Variants in PDE1A observed in about 807,000 individuals in gnomAD.
PDE1A encodes the protein dual specificity calcium/calmodulin-dependent 3',5'-cyclic nucleotide phosphodiesterase 1A.
A neutral mutation model predicts 61.7 loss-of-function variants in PDE1A; 35 were observed. The ratio of observed to expected loss-of-function variants is 0.57; its 90% CI spans 0.43 to 0.75. PDE1A has a LOEUF of 0.75. PDE1A is among the 30% of genes least tolerant of loss of function. The pLI, the probability that PDE1A is intolerant of heterozygous loss-of-function variation, is 0.00. For synonymous variants in PDE1A, 232 were observed against 213.2 expected (o/e 1.09, Z -0.77); for missense variants, 597 against 630.6 (o/e 0.95, Z 0.57).
chr2:182,686,806 C>T, the PDE1A span, among the ~76,000 whole-genome samples: 2 of 152,238 alleles, frequency 1.3e-5, no homozygotes, highest in African/African-American at 4.8e-5. Flanking sequence ...CAGATAGCAC[C>T]TGGAAAATTG....
chr2:182,667,745 AATT>A, the PDE1A span, among the ~76,000 whole-genome samples: 7 of 151,628 alleles, frequency 4.6e-5, no homozygotes, highest in South Asian at 1.4e-3. Context: ...GAGGGATTAG[AATT>A]GCTATATCTG....
chr2:182,292,839 C>T (rs1004336765), intron 1 of PDE1A, among the ~76,000 whole-genome samples: 1 of 152,048 alleles, frequency 6.6e-6, no homozygotes, highest in South Asian at 2.1e-4. Context: ...ATACAAATAT[C>T]TGTATATATA....
rs536100763 is a variant in PDE1A, at chr2:182,364,745, A to C, written c.53+61833T>G. 2.6e-5 allele frequency among the ~76,000 whole-genome samples: 4 copies of C among 152,108 alleles called. No homozygotes were observed. In the South Asian group the frequency reaches 8.3e-4, roughly 32 times the overall value. Reference sequence around the variant, plus strand: ...TAAAAAAAATAGCATGTTACTTTTCAAACATGGAACGTGTTTTTACAACAC... The same window carrying C: ...TAAAAAAAATAGCATGTTACTTTTCCAACATGGAACGTGTTTTTACAACAC... On this transcript the variant is annotated intron_variant, in intron 1 of 13. Transcript: ENST00000351439.
At chr2:182,457,762 T>C (rs1433041938) in intron 2 of PDE1A, among the ~76,000 whole-genome samples, 1 of 152,054 alleles carries the variant, frequency 6.6e-6, no homozygotes, top group Non-Finnish European at 1.5e-5. Flanking sequence ...ATATATTGTT[T>C]TGATATTGTG....
rs1010493825 is a variant in PDE1A at position 182,365,419 on chromosome 2, C to T, written c.53+61159G>A. On this transcript the variant is annotated intron_variant, in intron 1 of 13. Coordinates refer to ENST00000351439, the Ensembl canonical transcript of PDE1A. The stretch of plus-strand genomic sequence containing the variant: ...ATTCCTCTGCTGGCATAATTTTGAA[C>T]CCTATACACTTAACTTAGCTAGTAT... Among the ~76,000 whole-genome samples, 58 of 151,942 alleles carry T rather than the reference C, an allele frequency of 3.8e-4. 1 individual carries two copies. Among genetic ancestry groups the T allele is most frequent in the African/African-American group, 1.4e-3 (57 of 41,400 alleles).
intron 2 of PDE1A, among the ~76,000 whole-genome samples, chr2:182,459,239 T>C (rs1363057327): frequency 6.6e-6 from 1 of 152,084 alleles, no homozygotes; most frequent in African/African-American, 2.4e-5. Flanking sequence ...ACAGAAGTCC[T>C]AATACAAAGC....
At chr2:182,516,702 G>GAGGGAGGAAGGAAGGA (rs1210589355) in intron 2 of PDE1A, among the ~76,000 whole-genome samples, 1 of 116,764 alleles carries the variant, frequency 8.6e-6, no homozygotes, top group Non-Finnish European at 1.7e-5. Flanking sequence ...GGGAGGAAGG[G>GAGGGAGGAAGGAAGGA]AGGAAGGAAG....
the PDE1A span, among the ~76,000 whole-genome samples, chr2:182,624,868 C>G: frequency 6.6e-6 from 1 of 152,178 alleles, no homozygotes. Context: ...GCAAACCTAG[C>G]TAACCCCAAA....
chr2:182,585,432 C>T, the PDE1A span, among the ~76,000 whole-genome samples: 2 of 152,130 alleles, frequency 1.3e-5, no homozygotes, highest in African/African-American at 4.8e-5. Flanking sequence ...AGAAAGTGAT[C>T]GTATTCATGA....
chr2:182,270,632 G>T (rs902641088), intron 1 of PDE1A, among the ~76,000 whole-genome samples: 1 of 151,018 alleles, frequency 6.6e-6, no homozygotes, highest in Non-Finnish European at 1.5e-5. Flanking sequence ...CTTGTGATCT[G>T]ATTGAAATAC....
At chr2:182,363,417 G>GA (rs889174586) in intron 1 of PDE1A, among the ~76,000 whole-genome samples, 8 of 151,506 alleles carry the variant, frequency 5.3e-5, no homozygotes, top group South Asian at 2.1e-4. Flanking sequence ...AAGTGTTATT[G>GA]AAAAAAAATA....
At chr2:182,308,216 A>G (rs929168241) in intron 1 of PDE1A, among the ~76,000 whole-genome samples, 3 of 152,148 alleles carry the variant, frequency 2.0e-5, no homozygotes, top group Non-Finnish European at 1.5e-5. Context: ...TACCACACAT[A>G]ACATATATAA....
At chr2:182,228,653 T>G (rs1471336881) in intron 6 of PDE1A, among the ~76,000 whole-genome samples, 1 of 152,178 alleles carries the variant, frequency 6.6e-6, no homozygotes, top group African/African-American at 2.4e-5. Flanking sequence ...AAGCTGACAG[T>G]GTAACCTAGT....
the PDE1A span, among the ~76,000 whole-genome samples, chr2:182,641,806 G>A: frequency 3.3e-5 from 5 of 152,136 alleles, no homozygotes; most frequent in African/African-American, 9.7e-5. Context: ...GGAAATTTGA[G>A]CATGTCAGTA....
chr2:182,368,842 T>C (rs1699978278), intron 1 of PDE1A, among the ~76,000 whole-genome samples: 1 of 152,144 alleles, frequency 6.6e-6, no homozygotes, highest in Admixed American at 6.5e-5. Flanking sequence ...CAAGTAAAAA[T>C]ATAAAATCCC....
intron 2 of PDE1A, among the ~76,000 whole-genome samples, chr2:182,445,999 A>G (rs1560372): frequency 0.4 from 60,232 of 151,960 alleles, 12,431 homozygotes; most frequent in East Asian, 0.66. Context: ...TTCAGTATTT[A>G]TCACTACTTA....
the PDE1A span, among the ~76,000 whole-genome samples, chr2:182,715,875 A>T: frequency 6.6e-6 from 1 of 152,148 alleles, no homozygotes; most frequent in Non-Finnish European, 1.5e-5. Flanking sequence ...GGTCTCACCC[A>T]CCCATCACCC....
downstream of PDE1A, among the ~76,000 whole-genome samples, chr2:182,166,539 T>C (rs187996515): frequency 3.0e-3 from 458 of 152,286 alleles, no homozygotes; most frequent in Non-Finnish European, 5.5e-3. Flanking sequence ...GGGGCTCCAC[T>C]GTTAACTTTC....
chr2:182,630,442 G>A, the PDE1A span, among the ~76,000 whole-genome samples: 1 of 151,946 alleles, frequency 6.6e-6, no homozygotes, highest in East Asian at 1.9e-4. Flanking sequence ...TTCAGATTCT[G>A]GATTCTTTTC....
Sources: allele counts gnomAD v4.1 joint callset (sites outside exome capture counted in the v4.1 genomes callset), GRCh38; gene constraint gnomAD v4.1.1; transcripts MANE v1.5; gene names NCBI Gene and HGNC (gene_info 2026-07-23, HGNC 2026-07-21).